The following ANAPC10 variants were observed in gnomAD, a reference collection of about 807,000 sequenced individuals.
The protein encoded by ANAPC10 is anaphase-promoting complex subunit 10.
Under a neutral mutation model 22.0 loss-of-function variants are expected in ANAPC10, and 12 were observed. The ratio of observed to expected loss-of-function variants is 0.55; its 90% CI spans 0.35 to 0.88. The LOEUF is 0.88. ANAPC10 is among the 40% of genes least tolerant of loss of function. The pLI, the probability that ANAPC10 is intolerant of heterozygous loss-of-function variation, is 0.01. For missense variants in ANAPC10, 188 were observed against 220.9 expected (o/e 0.85, Z 0.94); for synonymous variants, 65 against 69.5 (o/e 0.94, Z 0.32).
At chr4:145,007,296 G>C (rs1248906540) in intron 4 of ANAPC10, among the ~76,000 whole-genome samples, 1 of 152,152 alleles carries the variant, frequency 6.6e-6, no homozygotes, top group Non-Finnish European at 1.5e-5. Context: ...AGACCTAATA[G>C]ACATCCATAG....
At chr4:145,065,724 T>G (rs1169713561) in intron 3 of ANAPC10, among the ~76,000 whole-genome samples, 1 of 152,010 alleles carries the variant, frequency 6.6e-6, no homozygotes, top group Admixed American at 6.6e-5. Flanking sequence ...ATCATGTACA[T>G]ATATAGTTAC....
intron 4 of ANAPC10, among the ~76,000 whole-genome samples, chr4:145,039,745 C>A (rs1030936946): frequency 6.6e-6 from 1 of 152,026 alleles, no homozygotes; most frequent in African/African-American, 2.4e-5. Flanking sequence ...CAGGCACGCA[C>A]CACCACACCC....
chr4:145,004,980 G>A (rs1733127467), intron 4 of ANAPC10, among the ~76,000 whole-genome samples: 1 of 152,038 alleles, frequency 6.6e-6, no homozygotes, highest in South Asian at 2.1e-4. Context: ...GGCTTTTCCT[G>A]GTTGGTAGGC....
intron 3 of ANAPC10, among the ~76,000 whole-genome samples, chr4:145,076,353 T>C (rs1336254379): frequency 6.6e-6 from 1 of 152,074 alleles, no homozygotes; most frequent in African/African-American, 2.4e-5. Context: ...TACCCTGAAA[T>C]CATCCAGAAA....
chr4:145,059,980 C>T (rs1326310382), intron 4 of ANAPC10, among the ~76,000 whole-genome samples: 2 of 152,044 alleles, frequency 1.3e-5, no homozygotes, highest in Non-Finnish European at 2.9e-5. Context: ...TTGAAAATTT[C>T]TCTTGAATAA....
chr4:145,063,925 T>C (rs1012130962), intron 4 of ANAPC10: 3 of 152,034 alleles, frequency 2.0e-5, no homozygotes, highest in African/African-American at 2.4e-5. Context: ...GGATCTATGA[T>C]AAAAAATCAA....
At chr4:145,016,135 G>A (rs572751479) in intron 4 of ANAPC10, among the ~76,000 whole-genome samples, 36 of 152,260 alleles carry the variant, frequency 2.4e-4, no homozygotes, top group African/African-American at 8.2e-4. Context: ...TCAGGCAGGA[G>A]AAAGAAATAA....
chr4:145,040,076 TGA>T (rs1401998502), intron 4 of ANAPC10, among the ~76,000 whole-genome samples: 1 of 152,022 alleles, frequency 6.6e-6, no homozygotes, highest in Non-Finnish European at 1.5e-5. Context: ...CTTAATTTCA[TGA>T]GATTATATAG....
chr4:145,079,601 A>C (rs1008261696), intron 3 of ANAPC10, among the ~76,000 whole-genome samples: 1 of 152,230 alleles, frequency 6.6e-6, no homozygotes, highest in African/African-American at 2.4e-5. Context: ...AGCACTACGC[A>C]CAATAGCAAA....
At chr4:145,081,103 T>C (rs1745949516) in intron 3 of ANAPC10, among the ~76,000 whole-genome samples, 1 of 151,900 alleles carries the variant, frequency 6.6e-6, no homozygotes, top group Non-Finnish European at 1.5e-5. Flanking sequence ...GCCAACTGTC[T>C]CTTATTTAAA....
intron 3 of ANAPC10, among the ~76,000 whole-genome samples, chr4:145,077,108 A>G (rs1745310825): frequency 6.6e-6 from 1 of 152,170 alleles, no homozygotes; most frequent in Non-Finnish European, 1.5e-5. Context: ...CTGAGGCAGG[A>G]GAATGGCGTG....
chr4:145,028,168 G>T (rs1429590851), intron 4 of ANAPC10, among the ~76,000 whole-genome samples: 1 of 152,204 alleles, frequency 6.6e-6, no homozygotes, highest in Non-Finnish European at 1.5e-5. Context: ...CTGTGTGTGT[G>T]TTGCCAAAAG....
chr4:145,033,300 T>G (rs976376149), intron 4 of ANAPC10: 1 of 155,058 alleles, frequency 6.4e-6, no homozygotes, highest in African/African-American at 2.4e-5. Context: ...GCAACATTTT[T>G]GCTTCCTGTT....
At chr4:145,016,486 G>T (rs1285877492) in intron 4 of ANAPC10, among the ~76,000 whole-genome samples, 1 of 152,178 alleles carries the variant, frequency 6.6e-6, no homozygotes, top group African/African-American at 2.4e-5. Context: ...CAAACAAATG[G>T]AAGAACATTC....
chr4:145,030,752 A>T (rs932319619), intron 4 of ANAPC10, among the ~76,000 whole-genome samples: 1 of 152,226 alleles, frequency 6.6e-6, no homozygotes. Context: ...AATGGAAGCC[A>T]ATAGAGCTAC....
intron 3 of ANAPC10, among the ~76,000 whole-genome samples, chr4:145,070,900 A>C (rs545430773): frequency 6.6e-6 from 1 of 152,378 alleles, no homozygotes; most frequent in South Asian, 2.1e-4. Flanking sequence ...CCAAAGGACA[A>C]ATATTATATA....
intron 2 of ANAPC10, among the ~76,000 whole-genome samples, chr4:145,094,220 C>T (rs747669938): frequency 7.9e-5 from 12 of 152,104 alleles, no homozygotes; most frequent in Non-Finnish European, 1.6e-4. Context: ...GTGAATTATG[C>T]TAAATGAAAG....
At chr4:145,085,091 C>T (rs1163099967) in intron 2 of ANAPC10, among the ~76,000 whole-genome samples, 1 of 152,030 alleles carries the variant, frequency 6.6e-6, no homozygotes, top group Non-Finnish European at 1.5e-5. Context: ...GCCTGTGCAA[C>T]ATAGTGAGAC....
At chr4:145,010,216 C>A (rs1470425096) in intron 4 of ANAPC10, among the ~76,000 whole-genome samples, 1 of 152,142 alleles carries the variant, frequency 6.6e-6, no homozygotes, top group Non-Finnish European at 1.5e-5. Flanking sequence ...CATTTTTACA[C>A]TGTTGGTGGG....
Sources: gnomAD v4.1 joint callset for allele counts (sites outside exome capture counted in the v4.1 genomes callset) on GRCh38, gnomAD v4.1.1 for gene constraint, MANE v1.5 for transcripts, NCBI Gene and HGNC (gene_info 2026-07-23, HGNC 2026-07-21) for gene names.